NCOA1: variants seen among roughly 807,000 people sequenced by gnomAD.
NCOA1 encodes the protein Hin-2 protein.
NCOA1 carries 35 observed loss-of-function variants against 150.9 expected under a neutral mutation model. That is an observed-to-expected ratio of 0.23 (90% CI 0.18 to 0.31). NCOA1 has a LOEUF of 0.31. Ranked by LOEUF, NCOA1 falls within the 10% of genes least tolerant of loss-of-function variation. NCOA1 has a pLI of 1.00. For synonymous variants in NCOA1, 590 were observed against 630.0 expected (o/e 0.94, Z 0.95); for missense variants, 1,491 against 1,749.3 (o/e 0.85, Z 2.63).
At chr2:24,596,730 T>C (rs534636027) in intron 3 of NCOA1, among the ~76,000 whole-genome samples, 1 of 152,272 alleles carries the variant, frequency 6.6e-6, no homozygotes, top group East Asian at 1.9e-4. Flanking sequence ...TTTTAATCAT[T>C]TTTGTGTATA....
At chr2:24,590,738 G>A (rs533295501) in intron 3 of NCOA1, among the ~76,000 whole-genome samples, 2 of 152,266 alleles carry the variant, frequency 1.3e-5, no homozygotes, top group South Asian at 4.1e-4. Context: ...TCAATGCAGG[G>A]AATCAGACAT....
At chr2:24,538,876 A>T (rs928754258) in intron 1 of NCOA1, among the ~76,000 whole-genome samples, 1 of 152,190 alleles carries the variant, frequency 6.6e-6, no homozygotes, top group African/African-American at 2.4e-5. Context: ...GATATAGTGT[A>T]GTTAAAAAGG....
intron 22 of NCOA1, among the ~76,000 whole-genome samples, chr2:24,763,535 C>T (rs1210020551): frequency 4.8e-5 from 3 of 62,446 alleles, no homozygotes; most frequent in African/African-American, 1.2e-4. Context: ...GAGACTCCAT[C>T]TCAAAAAAAA....
At chr2:24,678,931 C>G (rs1672038974) in intron 7 of NCOA1, among the ~76,000 whole-genome samples, 1 of 152,180 alleles carries the variant, frequency 6.6e-6, no homozygotes, top group Non-Finnish European at 1.5e-5. Flanking sequence ...TTGCTTTTGG[C>G]ATTTTCATCA....
chr2:24,742,314 G>GAATCCT, intron 19 of NCOA1, 128 bp downstream of exon 19: 1 of 1,100,258 alleles, frequency 9.1e-7, no homozygotes, highest in Non-Finnish European at 1.3e-6. Flanking sequence ...GTGGGAGTCT[G>GAATCCT]GAGACCCAGG....
chr2:24,722,204 G>A (rs888517740), intron 14 of NCOA1, among the ~76,000 whole-genome samples: 4 of 152,152 alleles, frequency 2.6e-5, no homozygotes, highest in African/African-American at 4.8e-5. Context: ...AACATGTTGT[G>A]TGTATGCACA....
intron 3 of NCOA1, among the ~76,000 whole-genome samples, chr2:24,633,456 TGAAAA>T (rs1669796575): frequency 6.6e-6 from 1 of 151,630 alleles, no homozygotes; most frequent in Admixed American, 6.6e-5. Context: ...ACAGAATAAA[TGAAAA>T]GAAAGAAAAA....
chr2:24,558,117 C>T (rs1666147095), intron 1 of NCOA1, among the ~76,000 whole-genome samples: 1 of 151,792 alleles, frequency 6.6e-6, no homozygotes, highest in African/African-American at 2.4e-5. Flanking sequence ...TATAATTCCA[C>T]AGCTCTTGAA....
intron 1 of NCOA1, among the ~76,000 whole-genome samples, chr2:24,534,103 T>C (rs866052572): frequency 1.6e-4 from 23 of 145,878 alleles, no homozygotes; most frequent in Admixed American, 2.8e-4. Context: ...GGCTATTAAT[T>C]ATTGCCTCAA....
chr2:24,522,800 A>G (rs971990300), intron 1 of NCOA1, among the ~76,000 whole-genome samples: 2 of 152,224 alleles, frequency 1.3e-5, no homozygotes, highest in Non-Finnish European at 2.9e-5. Context: ...ATCTAATACA[A>G]CATTATTATT....
In NCOA1 at chr2:24,560,865, A is replaced by G. The variant is rs536790510; in HGVS notation, c.-395-3430A>G. On this transcript the variant is annotated intron_variant, in intron 1 of 22. Transcript: ENST00000348332. ...GCTCATATTTATTAATAGAATACAA[A>G]TTTGTGAAATCACACCACAGAGGTT... Among the ~76,000 whole-genome samples, 9 of 152,268 alleles carry G rather than the reference A, an allele frequency of 5.9e-5. No individual in the cohort carries two copies. In the South Asian group the frequency reaches 1.7e-3, roughly 28 times the overall value.
intron 19 of NCOA1, among the ~76,000 whole-genome samples, chr2:24,747,929 A>C (rs571955525): frequency 6.6e-6 from 1 of 152,198 alleles, no homozygotes; most frequent in South Asian, 2.1e-4. Flanking sequence ...CAACATGGAG[A>C]AACCCTGTCT....
At chr2:24,760,358 T>C (rs56003642) in intron 21 of NCOA1, among the ~76,000 whole-genome samples, 6,029 of 146,302 alleles carry the variant, frequency 0.041, 198 homozygotes, top group African/African-American at 0.09. Flanking sequence ...GGGGTTTCAC[T>C]GTGTTAGCCA....
intron 2 of NCOA1, among the ~76,000 whole-genome samples, chr2:24,578,877 C>T (rs1029072338): frequency 6.6e-6 from 1 of 152,014 alleles, no homozygotes; most frequent in Non-Finnish European, 1.5e-5. Context: ...CCTAATTGGC[C>T]AACAGTGAAA....
rs143048201 is a variant in NCOA1 at position 24,683,061 on chromosome 2, C to T, written c.465C>T (p.Ser155=). The T allele has an allele frequency of 6.6e-5, 106 of 1,609,638 alleles. 1 individual carries two copies. The African/African-American group carries it at 8.8e-4, about 13-fold the overall frequency. The change falls in exon 8 of 23, where the codon AGC becomes AGT. Residue 155 remains serine, a synonymous_variant. Transcript: ENST00000348332. ...GYNQEELMNT[S]VYSILHVGDH... ...ATCAGGAGGAATTAATGAATACGAGCGTCTACAGCATACTGCACGTGGGGG... is the reference window on the plus strand; with the variant it reads ...ATCAGGAGGAATTAATGAATACGAGTGTCTACAGCATACTGCACGTGGGGG...
intron 3 of NCOA1, among the ~76,000 whole-genome samples, chr2:24,631,127 CCTT>C (rs1211188492): frequency 6.6e-6 from 1 of 152,078 alleles, no homozygotes; most frequent in Non-Finnish European, 1.5e-5. Flanking sequence ...TTTTCAGGCA[CCTT>C]CTTTTTAAAT....
intron 1 of NCOA1, among the ~76,000 whole-genome samples, chr2:24,553,535 C>T (rs1255490919): frequency 1.3e-5 from 2 of 152,022 alleles, no homozygotes; most frequent in Non-Finnish European, 2.9e-5. Flanking sequence ...CGTTTTTTTC[C>T]CCATTAATTA....
chr2:24,689,480 C>T (rs1413034174), intron 8 of NCOA1, among the ~76,000 whole-genome samples: 1 of 151,802 alleles, frequency 6.6e-6, no homozygotes. Flanking sequence ...GCAATCTTGG[C>T]TCACTGCAAG....
intron 19 of NCOA1, among the ~76,000 whole-genome samples, chr2:24,750,708 G>A (rs1664178031): frequency 6.6e-6 from 1 of 152,160 alleles, no homozygotes; most frequent in Non-Finnish European, 1.5e-5. Flanking sequence ...CAGGTACAAG[G>A]AAGGGAATTT....
Sources: allele counts gnomAD v4.1 joint callset (sites outside exome capture counted in the v4.1 genomes callset), GRCh38; gene constraint gnomAD v4.1.1; transcripts MANE v1.5; gene names NCBI Gene and HGNC (gene_info 2026-07-23, HGNC 2026-07-21).